The following UBE3C variants were observed in gnomAD, a reference collection of about 807,000 sequenced individuals.
UBE3C encodes the protein ubiquitin protein ligase E3C.
In UBE3C, 42 loss-of-function variants were observed where a neutral mutation model predicts 129.4. The ratio of observed to expected loss-of-function variants is 0.32; its 90% confidence interval spans 0.25 to 0.42. The LOEUF is 0.42. Among genes scored for constraint, UBE3C ranks in the 10% least tolerant of loss-of-function variants. UBE3C has a pLI of 1.00. For synonymous variants in UBE3C, 510 were observed against 492.4 expected (o/e 1.04, Z -0.47); for missense variants, 1,049 against 1,319.1 (o/e 0.80, Z 3.17).
At chr7:157,223,054 A>C in intron 15 of UBE3C, 200 bp from the exon 16 acceptor site, 1 of 527,146 alleles carries the variant, frequency 1.9e-6, no homozygotes, top group East Asian at 3.4e-5. Context: ...CGATCAAGTT[A>C]TGTGTTCGGG....
chr7:157,262,590 T>C (rs911369273), intron 22 of UBE3C, among the ~76,000 whole-genome samples: 4 of 151,778 alleles, frequency 2.6e-5, no homozygotes, highest in African/African-American at 9.7e-5. Context: ...AGCTAATTTT[T>C]TTGCATTTTT....
At chr7:157,170,738 T>G (rs1277343720) in intron 4 of UBE3C, among the ~76,000 whole-genome samples, 1 of 152,240 alleles carries the variant, frequency 6.6e-6, no homozygotes, top group Non-Finnish European at 1.5e-5. Flanking sequence ...TCATGTACCC[T>G]GACACAGCCT....
At chr7:157,154,906 T>C (rs17837721) in intron 1 of UBE3C, among the ~76,000 whole-genome samples, 1,813 of 152,332 alleles carry the variant, frequency 0.012, 27 homozygotes, top group South Asian at 0.047. Flanking sequence ...AATAATTACC[T>C]ATTGGAACCC....
At chr7:157,171,934 T>G (rs1808389784) in intron 4 of UBE3C, among the ~76,000 whole-genome samples, 2 of 150,880 alleles carry the variant, frequency 1.3e-5, no homozygotes, top group Admixed American at 1.3e-4. Context: ...CTCGAACTCC[T>G]GGCCTCAGGT....
intron 19 of UBE3C, among the ~76,000 whole-genome samples, chr7:157,250,778 C>A (rs939612393): frequency 6.6e-6 from 1 of 152,150 alleles, no homozygotes; most frequent in South Asian, 2.1e-4. Flanking sequence ...CCAGTGATGT[C>A]GCTTGCTGCT....
chr7:157,232,585 C>G (rs530535103), intron 18 of UBE3C, among the ~76,000 whole-genome samples: 14 of 152,232 alleles, frequency 9.2e-5, no homozygotes, highest in Non-Finnish European at 1.6e-4. Context: ...CTCCTGACCT[C>G]AAGTGGTCCA....
intron 1 of UBE3C, among the ~76,000 whole-genome samples, chr7:157,162,358 C>A (rs1314056643): frequency 2.0e-5 from 3 of 151,816 alleles, no homozygotes; most frequent in African/African-American, 7.3e-5. Context: ...CCATGCCCGG[C>A]TAATTTTTGT....
chr7:157,209,923 A>G (rs1809542235), intron 13 of UBE3C, among the ~76,000 whole-genome samples: 1 of 152,244 alleles, frequency 6.6e-6, no homozygotes. Flanking sequence ...GCTCACGCCT[A>G]TAATCCCAGC....
chr7:157,163,189 T>A (rs1448648100), intron 1 of UBE3C, among the ~76,000 whole-genome samples: 3 of 151,746 alleles, frequency 2.0e-5, no homozygotes, highest in Non-Finnish European at 4.4e-5. Flanking sequence ...ATCGAGACCA[T>A]CCTGGCTAAC....
chr7:157,266,938 C>T (rs1797093126), intron 22 of UBE3C, among the ~76,000 whole-genome samples: 2 of 152,034 alleles, frequency 1.3e-5, no homozygotes, highest in South Asian at 4.2e-4. Context: ...AATGAGGTCT[C>T]GTTATGTTGC....
intron 13 of UBE3C, among the ~76,000 whole-genome samples, chr7:157,211,089 C>G (rs1229458134): frequency 6.6e-6 from 1 of 151,368 alleles, no homozygotes; most frequent in Non-Finnish European, 1.5e-5. Context: ...ACAGGAGTTT[C>G]CTCCTGTGAT....
chr7:157,245,179 G>A (rs1796443070), intron 18 of UBE3C, among the ~76,000 whole-genome samples: 1 of 152,174 alleles, frequency 6.6e-6, no homozygotes, highest in African/African-American at 2.4e-5. Context: ...TGGTACCTAT[G>A]CATTTACATT....
rs1255922199 is a variant in UBE3C, at chr7:157,267,923, G to A, written c.*168G>A. 1.9e-6 allele frequency: 1 copy of A among 530,886 alleles called. No individual in the cohort carries two copies. Among genetic ancestry groups the A allele is most frequent in the Non-Finnish European group, 3.2e-6 (1 of 317,384 alleles). The allele number at this position is 530,886 out of a possible 1,614,324, so 32.9% of individuals were successfully genotyped here. A position where few individuals can be genotyped will look rare whatever the true frequency, so the allele number is the denominator to read the frequency against. ...CCTTTTTTAAATGATTTTTATTACGGTGTGGTCACTTATTTAGATGGACAT... is the reference window on the plus strand; with the variant it reads ...CCTTTTTTAAATGATTTTTATTACGATGTGGTCACTTATTTAGATGGACAT... On this transcript the variant is annotated 3_prime_UTR_variant, in exon 23 of 23. Transcript: ENST00000348165.
At chr7:157,227,316 CAG>C (rs1376705089) in intron 17 of UBE3C, among the ~76,000 whole-genome samples, 1 of 152,068 alleles carries the variant, frequency 6.6e-6, no homozygotes, top group African/African-American at 2.4e-5. Context: ...GTGCTGTGGT[CAG>C]GGGTACTTGC....
At chr7:157,167,475 A>G (rs964141179) in intron 2 of UBE3C, among the ~76,000 whole-genome samples, 1 of 151,684 alleles carries the variant, frequency 6.6e-6, no homozygotes, top group Non-Finnish European at 1.5e-5. Flanking sequence ...GCATCTTTAA[A>G]CTGGAAGTGA....
chr7:157,233,626 C>T (rs1796080545), intron 18 of UBE3C, among the ~76,000 whole-genome samples: 2 of 152,312 alleles, frequency 1.3e-5, no homozygotes, highest in South Asian at 2.1e-4. Context: ...TGCAGTGGTG[C>T]ATTTGCATTG....
At chr7:157,180,287 A>G (rs1226491342) in intron 6 of UBE3C, among the ~76,000 whole-genome samples, 1 of 152,254 alleles carries the variant, frequency 6.6e-6, no homozygotes, top group Non-Finnish European at 1.5e-5. Flanking sequence ...CAGTCTATTC[A>G]GTAAGTACAT....
At chr7:157,173,988 GAA>G (rs1207719994) in intron 4 of UBE3C, among the ~76,000 whole-genome samples, 1 of 152,196 alleles carries the variant, frequency 6.6e-6, no homozygotes, top group South Asian at 2.1e-4. Context: ...TTATGGCAAA[GAA>G]ATGTTAATGT....
rs773079743 is a variant in UBE3C at position 157,254,061 on chromosome 7, G to T, written c.2802G>T (p.Gln934His). ...ADYRLNRQIR[Q>H]HCLAFRQGLA... is the part of the protein sequence containing the mutation. ...ACAGGCTGAACAGGCAGATCCGCCA[G>T]CACTGCCTGGCTTTCCGCCAGGGCC... Residue 934 changes from glutamine (Q) to histidine (H), a missense_variant, in exon 20 of 23, where the codon CAG becomes CAT. Transcript: ENST00000348165. 6 of 1,613,602 alleles carry T rather than the reference G, an allele frequency of 3.7e-6. No homozygotes were observed. In the South Asian group the frequency reaches 4.4e-5, roughly 12 times the overall value.
Sources: gnomAD v4.1 joint callset for allele counts (sites outside exome capture counted in the v4.1 genomes callset) on GRCh38, gnomAD v4.1.1 for gene constraint, MANE v1.5 for transcripts, NCBI Gene and HGNC (gene_info 2026-07-23, HGNC 2026-07-21) for gene names.